Variants in CASKIN2 observed in about 807,000 individuals in gnomAD.
The protein encoded by CASKIN2 is CASK interacting protein 2.
In CASKIN2, 41 loss-of-function variants were observed where a neutral mutation model predicts 107.1. The ratio of observed to expected loss-of-function variants is 0.38; its 90% CI spans 0.30 to 0.50. The LOEUF is 0.50. CASKIN2 is among the 20% of genes least tolerant of loss of function. CASKIN2 has a pLI of 0.92. For synonymous variants in CASKIN2, 724 were observed against 705.6 expected, an observed-to-expected ratio of 1.03 and a Z score of -0.41; for missense variants, 1,546 against 1,657.4, an observed-to-expected ratio of 0.93 and a Z score of 1.17.
At position 75,514,070 on chromosome 17, in the gene CASKIN2, G is replaced by A; in HGVS notation, c.-266C>T. ...GAAATCTGGATGGATATCAGCTTGT[G>A]GCTTCCGACAGCTCCAGGATGGGCT... On this transcript the variant is annotated 5_prime_UTR_variant, in exon 2 of 20. Transcript: ENST00000321617. 1.7e-6 allele frequency: 1 copy of A among 578,648 alleles called. No homozygotes were observed. Among genetic ancestry groups the A allele is most frequent in the African/African-American group, 1.9e-5 (1 of 53,702 alleles). The allele number at this position is 578,648 out of a possible 1,614,324, so 35.8% of individuals were successfully genotyped here.
chr17:75,503,603 C>T, intron 16 of CASKIN2, 56 bp downstream of exon 16: 2 of 1,605,828 alleles, frequency 1.2e-6, no homozygotes, highest in Non-Finnish European at 1.7e-6. Flanking sequence ...CACCGCAAAG[C>T]CACAGCTGAG....
intron 13 of CASKIN2, 27 bp from the exon 14 acceptor site, chr17:75,504,333 GA>G: frequency 6.2e-7 from 1 of 1,600,856 alleles, no homozygotes; most frequent in Admixed American, 1.7e-5. Context: ...AAATGGAATG[GA>G]AAGGTGGCAG....
chr17:75,515,282 GGGGCGCGAGGAGGACGGAAGGAGCGGGGA>G (rs2053348596), intron 1 of CASKIN2, 90 bp downstream of exon 1: 1 of 152,452 alleles, frequency 6.6e-6, no homozygotes, highest in Non-Finnish European at 1.5e-5. Context: ...GATGGAAAAA[GGGGCGCGAGGAGGACGGAAGGAGCGGGGA>G]GATGGAGGTG....
In CASKIN2 at chr17:75,507,563, G is replaced by A. The variant is rs116120716; in HGVS notation, c.244+21C>T. The A allele has an allele frequency of 8.9e-5, 142 of 1,587,220 alleles. No individual in the cohort carries two copies. The African/African-American group carries it at 1.5e-3, about 17-fold the overall frequency. On this transcript the variant is annotated intron_variant, in intron 4 of 19. Coordinates refer to ENST00000321617, the MANE Select transcript of CASKIN2 (RefSeq NM_020753.5). Reference sequence around the variant, plus strand: ...CCCCTACCTGCCCAGGGTGGGGGTCGGGGGCACATGGGGGTCTCACCATTG... The same window carrying A: ...CCCCTACCTGCCCAGGGTGGGGGTCAGGGGCACATGGGGGTCTCACCATTG...
Position 75,513,922 on chromosome 17 carries a change from G to T in CASKIN2, c.-118C>A. On this transcript the variant is annotated 5_prime_UTR_variant, in exon 2 of 20. Coordinates refer to ENST00000321617, the MANE Select transcript of CASKIN2 (RefSeq NM_020753.5). The stretch of plus-strand genomic sequence containing the variant: ...CCTTGGAGGGCTCCCGGTTCCGGGG[G>T]AGCAAGTCAGGTGTCCCAGGCAGTG... 3 of 851,080 alleles carry T rather than the reference G, an allele frequency of 3.5e-6. No individual in the cohort carries two copies. Among genetic ancestry groups the T allele is most frequent in the Admixed American group, 2.1e-5 (1 of 46,956 alleles). The allele number at this position is 851,080 out of a possible 1,614,324, so 52.7% of individuals were successfully genotyped here. A position where few individuals can be genotyped will look rare whatever the true frequency, so the allele number is the denominator to read the frequency against.
intron 14 of CASKIN2, 75 bp downstream of exon 14, chr17:75,504,140 C>T (rs1026896574): frequency 1.2e-5 from 17 of 1,449,124 alleles, no homozygotes; most frequent in Middle Eastern, 2.3e-4. Flanking sequence ...CCTTCCCCCC[C>T]GAGGCCCACG....
In CASKIN2 at chr17:75,504,958, AC is replaced by A; in HGVS notation, c.1045del (p.Val349TrpfsTer85). 1 of 1,611,700 alleles carries A rather than the reference AC, an allele frequency of 6.2e-7. No individual in the cohort carries two copies. On this transcript the variant is annotated frameshift_variant, in exon 11 of 20. Coordinates refer to ENST00000321617, the MANE Select transcript of CASKIN2 (RefSeq NM_020753.5). LOFTEE classifies it high-confidence loss of function. ...GGGGAGGCGGGCTGCAGGGATGCCC[AC>A]CCGCTTGCTGACCACCTCGACAATG... is the stretch of plus-strand genomic sequence containing the variant. ...PGIVEVVSKR[V>X]GIPAARLPSA...
Position 75,501,002 on chromosome 17 carries a change from T to C in CASKIN2, c.*78A>G. On this transcript the variant is annotated 3_prime_UTR_variant, in exon 20 of 20. Coordinates refer to ENST00000321617, the MANE Select transcript of CASKIN2 (RefSeq NM_020753.5). ...GCCTGACCAGCCCTTGGCCCGTCCC[T>C]AGGGTGGCAGGGGCCTCTTCTGTGC... 1 of 1,384,766 alleles carries C rather than the reference T, an allele frequency of 7.2e-7. No homozygotes were observed. Among genetic ancestry groups the C allele is most frequent in the African/African-American group, 1.4e-5 (1 of 69,918 alleles). The allele number at this position is 1,384,766 out of a possible 1,614,324, so 85.8% of individuals were successfully genotyped here.
chr17:75,508,657 C>T (rs932548761), intron 2 of CASKIN2, among the ~76,000 whole-genome samples: 6 of 152,070 alleles, frequency 3.9e-5, no homozygotes, highest in African/African-American at 1.4e-4. Flanking sequence ...CCTACTGGGC[C>T]GAGGGGTGGG....
rs969939070 is a variant in CASKIN2, at chr17:75,503,596, C to T, written c.1680+63G>A. 3.4e-5 allele frequency: 54 copies of T among 1,604,242 alleles called. No homozygotes were observed. In the East Asian group the frequency reaches 4.7e-4, roughly 14 times the overall value. On this transcript the variant is annotated intron_variant, in intron 16 of 19. Coordinates refer to ENST00000321617, the MANE Select transcript of CASKIN2 (RefSeq NM_020753.5). ...CCCCCAGCCAGAGGAGAAAAGGCAC[C>T]GCAAAGCCACAGCTGAGGGTGACAG...
chr17:75,504,154 C>T (rs1163790379), intron 14 of CASKIN2, 61 bp downstream of exon 14: 1 of 1,492,986 alleles, frequency 6.7e-7, no homozygotes, highest in Non-Finnish European at 9.1e-7. Context: ...GCCCACGGTG[C>T]ACCCCGTGGA....
At chr17:75,503,633 C>T in intron 16 of CASKIN2, 26 bp downstream of exon 16, 1 of 1,609,270 alleles carries the variant, frequency 6.2e-7, no homozygotes, top group Non-Finnish European at 8.5e-7. Flanking sequence ...ACGTGCCCCA[C>T]TCCCCAGCCA....
At position 75,503,036 on chromosome 17, in the gene CASKIN2, T is replaced by G. The variant is rs558844801; in HGVS notation, c.2038A>C (p.Met680Leu). 3.7e-6 allele frequency: 6 copies of G among 1,606,338 alleles called. No homozygotes were observed. In the African/African-American group the frequency reaches 6.7e-5, roughly 18 times the overall value. ...AGTGGTTCAGGGCCACCCCCTGCCA[T>G]GGCCGCCTGTAGCTCTGGGCTTAGT... ...SELSPELQAA[M>L]AGGGPEPLPL... The change falls in exon 18 of 20, where the codon ATG (methionine) becomes CTG (leucine). Residue 680 changes from methionine to leucine, a missense_variant. Physicochemically the swap from Met to Leu is conservative, Grantham distance 15. This residue lies in a region of CASKIN2 where 1,311 missense variants were observed against 1,311.0 expected (regional missense o/e 1.00). Coordinates refer to ENST00000321617, the MANE Select transcript of CASKIN2 (RefSeq NM_020753.5).
Position 75,505,975 on chromosome 17 carries a change from C to A in CASKIN2, c.727-46G>T. 6.6e-7 allele frequency: 1 copy of A among 1,518,378 alleles called. No homozygotes were observed. The highest frequency in any genetic ancestry group is 2.3e-5 in the East Asian group (1 of 43,930). 94.1% of individuals were successfully genotyped at this position (1,518,378 alleles called of 1,614,324 possible). On this transcript the variant is annotated intron_variant, in intron 8 of 19. Transcript: ENST00000321617. This position sits in a 1 kb window ranked among gnomAD's most constrained non-coding sequence, Gnocchi z 5.1. ...GAGCACACGCTAAGCACTTTGACAC[C>A]CCTCACCCGATTCTCTCAGCTACCC...
intron 2 of CASKIN2, chr17:75,509,447 T>C (rs2053298531): frequency 2.3e-6 from 1 of 426,238 alleles, no homozygotes; most frequent in South Asian, 9.8e-5. Context: ...AACCTGGCAG[T>C]AGGGAACATG....
intron 19 of CASKIN2, 27 bp from the exon 20 acceptor site, chr17:75,501,197 G>C: frequency 1.3e-6 from 2 of 1,553,288 alleles, no homozygotes; most frequent in Non-Finnish European, 1.7e-6. Flanking sequence ...GATGCGGTCA[G>C]ATCAGCCAGT....
Position 75,502,142 on chromosome 17 carries a change from G to A in CASKIN2, c.2932C>T (p.Pro978Ser), listed in dbSNP as rs374609826. Residue 978 changes from proline to serine, a missense_variant, in exon 18 of 20, where the codon CCC (proline) becomes TCC (serine). Transcript: ENST00000321617. This position sits in a 1 kb window ranked among gnomAD's most constrained non-coding sequence, Gnocchi z 4.3. ...GPPPRETPVP[P>S]GLDFNLTESD... ...TCCGTGAGGTTGAAATCGAGGCCGG[G>A]GGGCACGGGTGTCTCTCGGGGCGGG... 2,458 of 1,603,954 alleles carry A rather than the reference G, an allele frequency of 1.5e-3. 51 individuals are homozygous for A. The South Asian group carries it at 0.025, about 17-fold the overall frequency.
Position 75,503,071 on chromosome 17 carries a change from T to A in CASKIN2, c.2003A>T (p.Gln668Leu), listed in dbSNP as rs779120429. The A allele has an allele frequency of 6.2e-7, 1 of 1,607,250 alleles. No homozygotes were observed. Among genetic ancestry groups the A allele is most frequent in the African/African-American group, 1.3e-5 (1 of 74,970 alleles). ...ATAGPRLLTF[Q>L]GSELSPELQA... is the part of the protein sequence containing the mutation. ...TAGCTCTGGGCTTAGTTCGCTGCCC[T>A]GGAAGGTGAGGAGCCGTGGGCCAGC... Residue 668 changes from glutamine to leucine, a missense_variant, in exon 18 of 20, where the codon CAG (glutamine) becomes CTG (leucine). Gln to Leu is a moderately radical substitution (Grantham distance 113). Around this residue, in one of 6 missense-constraint regions of CASKIN2, gnomAD observed 1,311 missense variants for 1,311.0 expected, o/e 1.00. Coordinates refer to ENST00000321617, the MANE Select transcript of CASKIN2 (RefSeq NM_020753.5).
At position 75,502,775 on chromosome 17, in the gene CASKIN2, C is replaced by A; in HGVS notation, c.2299G>T (p.Ala767Ser). Reference sequence around the variant, plus strand: ...GGTGCGCCAGGAGGTGGCCCTGGGGCCGGGCTAGAGGGTGAGCCCTGGGGG... The same window carrying A: ...GGTGCGCCAGGAGGTGGCCCTGGGGACGGGCTAGAGGGTGAGCCCTGGGGG... ...MYPQGSPSSP[A>S]PGPPPGAPWA... The change falls in exon 18 of 20, where the codon GCC (alanine) becomes TCC (serine). Residue 767 changes from alanine to serine, a missense_variant. By Grantham distance (99) the Ala-to-Ser change is moderately conservative. Coordinates refer to ENST00000321617, the MANE Select transcript of CASKIN2 (RefSeq NM_020753.5). The surrounding 1 kb of genome is among the most constrained non-coding windows in gnomAD (Gnocchi z 4.3). 6.2e-7 allele frequency: 1 copy of A among 1,601,132 alleles called. No homozygotes were observed. Among genetic ancestry groups the A allele is most frequent in the Non-Finnish European group, 8.5e-7 (1 of 1,173,872 alleles).
Sources: allele counts gnomAD v4.1 joint callset (sites outside exome capture counted in the v4.1 genomes callset), GRCh38; gene constraint gnomAD v4.1.1; regional missense constraint gnomAD v4.1.1; non-coding constraint Gnocchi (gnomAD v3.1); transcripts MANE v1.5; gene names NCBI Gene and HGNC (gene_info 2026-07-23, HGNC 2026-07-21).